RP9: variants seen among roughly 807,000 people sequenced by gnomAD.
RP9 encodes the protein retinitis pigmentosa 9 protein.
In RP9, 23 loss-of-function variants were observed where a neutral mutation model predicts 32.6. The observed-to-expected ratio is 0.71, with a 90% CI of 0.51 to 1.00. The LOEUF is 1.00. Among genes scored for constraint, RP9 ranks in the 50% least tolerant of loss-of-function variants. The pLI is 0.00. For synonymous variants in RP9, 94 were observed against 103.6 expected (o/e 0.91, Z 0.56); for missense variants, 245 against 285.3 (o/e 0.86, Z 1.02).
chr7:33,099,003 G>C (rs1788384893), intron 3 of RP9: 1 of 464,156 alleles, frequency 2.2e-6, no homozygotes. Context: ...CCGTATTCTG[G>C]GTGGCCTAAA....
rs960807015 is a variant in RP9 at position 33,105,479 on chromosome 7, AT to A, written c.152+3741del. Among the ~76,000 whole-genome samples the A allele has an allele frequency of 6.1e-3, 914 of 150,840 alleles. 6 individuals are homozygous for A. Among genetic ancestry groups the A allele is most frequent in the African/African-American group, 0.021 (859 of 41,182 alleles). On this transcript the variant is annotated intron_variant, in intron 1 of 5. Transcript: ENST00000297157. ...GCCAGAAGCCCTACAAATAACTTTA[AT>A]TTTTTTTTTAAAGAAGATAAAATCT... is the stretch of plus-strand genomic sequence containing the variant.
At chr7:33,099,874 A>AT (rs1283303776) in intron 2 of RP9, among the ~76,000 whole-genome samples, 2 of 152,214 alleles carry the variant, frequency 1.3e-5, no homozygotes, top group African/African-American at 4.8e-5. Flanking sequence ...CACACATGCT[A>AT]TATCTCTGAT....
rs1788408008 is a variant in RP9, at chr7:33,100,439, G to A, written c.183+92C>T. The A allele has an allele frequency of 4.5e-6, 5 of 1,100,738 alleles. No individual in the cohort carries two copies. The Admixed American group carries it at 6.8e-5, about 15-fold the overall frequency. 68.2% of individuals were successfully genotyped at this position (1,100,738 alleles called of 1,614,324 possible). On this transcript the variant is annotated intron_variant, in intron 2 of 5. Transcript: ENST00000297157. ...AAGAAACAGGCTTTTGGTAAAAGGA[G>A]ATTTAACATCATGCAATTATTTTTC...
chr7:33,097,958 T>G (rs2128032013), intron 3 of RP9, among the ~76,000 whole-genome samples: 1 of 152,298 alleles, frequency 6.6e-6, no homozygotes, highest in East Asian at 1.9e-4. Flanking sequence ...TTCAGTATAT[T>G]TTTCAGAGTA....
At chr7:33,098,223 A>C (rs1434971072) in intron 3 of RP9, among the ~76,000 whole-genome samples, 1 of 151,964 alleles carries the variant, frequency 6.6e-6, no homozygotes, top group Non-Finnish European at 1.5e-5. Flanking sequence ...CTATCTCTAC[A>C]AAAGTACAAA....
chr7:33,095,552 G>C, intron 5 of RP9, 120 bp from the exon 6 acceptor site: 1 of 1,504,172 alleles, frequency 6.6e-7, no homozygotes. Context: ...CACAAAGACA[G>C]TATTTTTATT....
intron 4 of RP9, 46 bp downstream of exon 4, chr7:33,097,225 C>T: frequency 7.1e-7 from 1 of 1,399,526 alleles, no homozygotes; most frequent in South Asian, 1.2e-5. Flanking sequence ...CACTGATTTT[C>T]ACTATCTCTG....
At chr7:33,096,371 A>C (rs1788334595) in intron 5 of RP9, 122 bp downstream of exon 5, 6 of 763,880 alleles carry the variant, frequency 7.9e-6, no homozygotes, top group Non-Finnish European at 2.3e-6. Flanking sequence ...TGCACTCCAC[A>C]TATTTTCACA....
chr7:33,098,991 T>C (rs1788384559), intron 3 of RP9: 1 of 433,586 alleles, frequency 2.3e-6, no homozygotes, highest in African/African-American at 2.0e-5. Context: ...CATAACAAAA[T>C]GCCGTATTCT....
Position 33,099,227 on chromosome 7 carries a change from A to G in RP9, c.313+80T>C, listed in dbSNP as rs1788389454. 2.0e-6 allele frequency: 3 copies of G among 1,533,368 alleles called. 1 individual carries two copies. The Admixed American group carries it at 5.0e-5, about 26-fold the overall frequency. The allele number at this position is 1,533,368 out of a possible 1,614,324, so 95.0% of individuals were successfully genotyped here. The stretch of plus-strand genomic sequence containing the variant: ...CTGTAAGAGGGCTGTGATGAGAACA[A>G]GTTAAATAAAAGAAGTAAACACTCT... On this transcript the variant is annotated intron_variant, in intron 3 of 5. Coordinates refer to ENST00000297157, the MANE Select transcript of RP9 (RefSeq NM_203288.2).
intron 1 of RP9, among the ~76,000 whole-genome samples, chr7:33,104,326 G>T (rs1037745922): frequency 3.3e-5 from 5 of 152,116 alleles, no homozygotes; most frequent in African/African-American, 1.2e-4. Flanking sequence ...CAGGCGGAGG[G>T]TGAGCATCAG....
chr7:33,108,751 C>A (rs1408096670), intron 1 of RP9, among the ~76,000 whole-genome samples: 1 of 152,354 alleles, frequency 6.6e-6, no homozygotes, highest in East Asian at 1.9e-4. Context: ...CCTTCTTTGT[C>A]TCCCACTTTT....
At position 33,109,237 on chromosome 7, in the gene RP9, T is replaced by C. The variant is rs1788546270; in HGVS notation, c.136A>G (p.Lys46Glu). Residue 46 changes from lysine to glutamate, a missense_variant, in exon 1 of 6, where the codon AAG (lysine) becomes GAG (glutamate). Lys to Glu is a moderately conservative substitution (Grantham distance 56). Coordinates refer to ENST00000297157, the MANE Select transcript of RP9 (RefSeq NM_203288.2). This position sits in a 1 kb window ranked among gnomAD's most constrained non-coding sequence, Gnocchi z 4.9. Reference protein sequence around the residue: ...RHDAQQLQQLKHLESFYEKPP... With the variant: ...RHDAQQLQQLEHLESFYEKPP... Reference sequence around the variant, plus strand: ...GGGACTCACAAGGACTCCAGGTGCTTGAGCTGCTGCAGCTGCTGCGCGTCG... The same window carrying C: ...GGGACTCACAAGGACTCCAGGTGCTCGAGCTGCTGCAGCTGCTGCGCGTCG... The C allele has an allele frequency of 1.3e-6, 2 of 1,497,052 alleles. No individual in the cohort carries two copies. The highest frequency in any genetic ancestry group is 2.1e-5 in the Admixed American group (1 of 46,572). 92.7% of individuals were successfully genotyped at this position (1,497,052 alleles called of 1,614,324 possible). A position where few individuals can be genotyped will look rare whatever the true frequency, so the allele number is the denominator to read the frequency against.
rs1788547028 is a variant in RP9, at chr7:33,109,266, C to G, written c.107G>C (p.Arg36Pro). Residue 36 changes from arginine to proline, a missense_variant, in exon 1 of 6, where the codon CGA (arginine) becomes CCA (proline). Arg to Pro is a moderately radical substitution (Grantham distance 103, BLOSUM62 -2). Around this residue, in one of 2 missense-constraint regions of RP9, gnomAD observed 182 missense variants for 175.5 expected, o/e 1.04. Coordinates refer to ENST00000297157, the MANE Select transcript of RP9 (RefSeq NM_203288.2). The surrounding 1 kb of genome is among the most constrained non-coding windows in gnomAD (Gnocchi z 4.9). ...LQRRREQKRR[R>P]HDAQQLQQLK... ...CTGCTGCAGCTGCTGCGCGTCGTGT[C>G]GCCGCCGCTTCTGCTCCCGACGTCG... 1 of 1,493,680 alleles carries G rather than the reference C, an allele frequency of 6.7e-7. No individual in the cohort carries two copies. The highest frequency in any genetic ancestry group is 8.9e-7 in the Non-Finnish European group (1 of 1,125,340). 92.5% of individuals were successfully genotyped at this position (1,493,680 alleles called of 1,614,324 possible). A position where few individuals can be genotyped will look rare whatever the true frequency, so the allele number is the denominator to read the frequency against.
chr7:33,095,345 G>C lies in RP9; in HGVS notation c.555C>G (p.His185Gln), dbSNP rs1440795786. The C allele has an allele frequency of 6.2e-7, 1 of 1,610,614 alleles. No individual in the cohort carries two copies. Among genetic ancestry groups the C allele is most frequent in the African/African-American group, 1.4e-5 (1 of 73,998 alleles). Residue 185 changes from histidine to glutamine, a missense_variant, in exon 6 of 6, where the codon CAC (histidine) becomes CAG (glutamine). This residue lies in a region of RP9 where 63 missense variants were observed against 109.8 expected (regional missense o/e 0.57). Coordinates refer to ENST00000297157, the MANE Select transcript of RP9 (RefSeq NM_203288.2). Reference sequence around the variant, plus strand: ...GCTTTTCTTTCTTCTTCTTTTTCTTGTGTTTCTCTTTACCTTCAGAGGAAC... The same window carrying C: ...GCTTTTCTTTCTTCTTCTTTTTCTTCTGTTTCTCTTTACCTTCAGAGGAAC... Reference protein sequence around the residue: ...SSSSSEGKEKHKKKKKKEKHK... With the variant: ...SSSSSEGKEKQKKKKKKEKHK...
intron 1 of RP9, among the ~76,000 whole-genome samples, chr7:33,104,176 G>C (rs1025772017): frequency 1.3e-5 from 2 of 151,780 alleles, no homozygotes; most frequent in African/African-American, 4.8e-5. Flanking sequence ...ATCAACAGAA[G>C]GAAAAAACAA....
At position 33,096,566 on chromosome 7, in the gene RP9, G is replaced by C; in HGVS notation, c.406-12C>G. 1 of 1,603,364 alleles carries C rather than the reference G, an allele frequency of 6.2e-7. No individual in the cohort carries two copies. The highest frequency in any genetic ancestry group is 8.5e-7 in the Non-Finnish European group (1 of 1,170,168). ...GGATCTTCATGTGCCTTAAGGGTCA[G>C]AGAAGGTTAAGGTTTGGTTAGGCTT... On this transcript the variant is annotated splice_polypyrimidine_tract_variant and intron_variant, in intron 4 of 5. Transcript: ENST00000297157.
At chr7:33,096,685 G>A (rs1021751980) in intron 4 of RP9, 131 bp from the exon 5 acceptor site, 3 of 734,466 alleles carry the variant, frequency 4.1e-6, no homozygotes, top group South Asian at 3.0e-5. Flanking sequence ...TGTTCAACAT[G>A]TTCTAGGTCA....
At chr7:33,096,917 C>T (rs1788345047) in intron 4 of RP9, among the ~76,000 whole-genome samples, 1 of 152,078 alleles carries the variant, frequency 6.6e-6, no homozygotes, top group South Asian at 2.1e-4. Context: ...AAGACATGTA[C>T]TCTTTAAAGA....
Sources: allele counts gnomAD v4.1 joint callset (sites outside exome capture counted in the v4.1 genomes callset), GRCh38; gene constraint gnomAD v4.1.1; regional missense constraint gnomAD v4.1.1; non-coding constraint Gnocchi (gnomAD v3.1); transcripts MANE v1.5; gene names NCBI Gene and HGNC (gene_info 2026-07-23, HGNC 2026-07-21).